Variants in EPS15L1 observed in about 807,000 individuals in gnomAD.
The protein encoded by EPS15L1 is epidermal growth factor receptor substrate 15-like 1.
A neutral mutation model predicts 117.1 loss-of-function variants in EPS15L1; 43 were observed. The ratio of observed to expected loss-of-function variants is 0.37; its 90% CI spans 0.29 to 0.47. The LOEUF (loss-of-function observed/expected upper bound fraction) is 0.47. Ranked by LOEUF, EPS15L1 falls within the 20% of genes least tolerant of loss-of-function variation. The pLI is 0.99. For synonymous variants in EPS15L1, 459 were observed against 470.5 expected, an observed-to-expected ratio of 0.98 and a Z score of 0.32; for missense variants, 981 against 1,164.0, an observed-to-expected ratio of 0.84 and a Z score of 2.29.
chr19:16,373,541 G>A (rs1351464984), intron 22 of EPS15L1, among the ~76,000 whole-genome samples: 1 of 151,238 alleles, frequency 6.6e-6, no homozygotes, highest in African/African-American at 2.4e-5. Context: ...AAGAAGCCAA[G>A]AAAACAAGAG....
chr19:16,400,743 C>G (rs1004163003), intron 16 of EPS15L1: 8 of 985,412 alleles, frequency 8.1e-6, no homozygotes, highest in Non-Finnish European at 9.6e-6. Flanking sequence ...GTAATTGTGT[C>G]TCAGGTAACC....
At chr19:16,373,978 A>G (rs1294755650) in intron 22 of EPS15L1, among the ~76,000 whole-genome samples, 2 of 152,250 alleles carry the variant, frequency 1.3e-5, no homozygotes, top group Admixed American at 1.3e-4. Context: ...TAAAAGAATC[A>G]AATGAGAAAT....
intron 1 of EPS15L1, among the ~76,000 whole-genome samples, chr19:16,448,557 A>G (rs57839742): frequency 0.25 from 31,831 of 128,438 alleles, 5,011 homozygotes; most frequent in African/African-American, 0.43. Flanking sequence ...AGGGGGGGGG[A>G]GAAAGGCCGG....
chr19:16,445,011 G>A (rs921940), intron 1 of EPS15L1, among the ~76,000 whole-genome samples: 3,672 of 152,236 alleles, frequency 0.024, 124 homozygotes, highest in Admixed American at 0.087. Flanking sequence ...GAGCCACCAC[G>A]CCCAGCCCCA....
chr19:16,458,578 T>TTCA (rs1397464613), intron 1 of EPS15L1, among the ~76,000 whole-genome samples: 1 of 151,994 alleles, frequency 6.6e-6, no homozygotes, highest in Non-Finnish European at 1.5e-5. Flanking sequence ...AGAAAGGCTC[T>TTCA]TCAGGGTGTG....
intron 8 of EPS15L1, 41 bp downstream of exon 8, chr19:16,428,661 T>C (rs761176123): frequency 3.8e-6 from 6 of 1,565,146 alleles, no homozygotes; most frequent in South Asian, 2.3e-5. Flanking sequence ...CACTGCACAT[T>C]TCCTTCCTGG....
At position 16,403,870 on chromosome 19, in the gene EPS15L1, C is replaced by G. The variant is rs766509172; in HGVS notation, c.1489G>C (p.Asp497His). ...QESDLKSQED[D>H]LNRAKSELNR... is the part of the protein sequence containing the mutation. ...AGCTCCGACTTGGCTCGGTTCAGAT[C>G]GTCTTCCTGGGACTTTAAGTCAGAT... is the stretch of plus-strand genomic sequence containing the variant. Residue 497 changes from aspartate to histidine, a missense_variant, in exon 15 of 24, where the codon GAT (aspartate) becomes CAT (histidine). Asp to His is a moderately conservative substitution (Grantham distance 81, BLOSUM62 -1). Coordinates refer to ENST00000455140, the MANE Select transcript of EPS15L1 (RefSeq NM_001258374.3). 2.5e-6 allele frequency: 4 copies of G among 1,614,168 alleles called. No individual in the cohort carries two copies. The highest frequency in any genetic ancestry group is 3.4e-6 in the Non-Finnish European group (4 of 1,180,030).
At chr19:16,403,467 G>T (rs2092622755) in intron 15 of EPS15L1, among the ~76,000 whole-genome samples, 1 of 152,196 alleles carries the variant, frequency 6.6e-6, no homozygotes, top group African/African-American at 2.4e-5. Flanking sequence ...CATTAATTAA[G>T]TGTTCCCACC....
At chr19:16,362,131 TG>T in intron 22 of EPS15L1, 147 bp from the exon 23 acceptor site, 1 of 774,182 alleles carries the variant, frequency 1.3e-6, no homozygotes, top group Non-Finnish European at 2.0e-6. Flanking sequence ...GGGGGTACCC[TG>T]GGGAATCCCA....
intron 22 of EPS15L1, among the ~76,000 whole-genome samples, chr19:16,368,322 A>G (rs1230761634): frequency 1.3e-5 from 2 of 152,160 alleles, no homozygotes; most frequent in Non-Finnish European, 2.9e-5. Context: ...CATTGATCCT[A>G]CACAACAGGG....
In EPS15L1 at chr19:16,370,873, C is replaced by A. The variant is rs958403442; in HGVS notation, c.2380+6249G>T. ...AGTGCTGGGGGATGGGGGGCGTGGG[C>A]AGGAAAGAGGGACTCCACCTGGTTG... On this transcript the variant is annotated intron_variant, in intron 22 of 23. Transcript: ENST00000455140. This position sits in a 1 kb window ranked among gnomAD's most constrained non-coding sequence, Gnocchi z 5.2. 1.3e-5 allele frequency among the ~76,000 whole-genome samples: 2 copies of A among 152,106 alleles called. No homozygotes were observed. The highest frequency in any genetic ancestry group is 1.3e-4 in the Admixed American group (2 of 15,284).
chr19:16,422,952 C>T (rs1203530946), intron 9 of EPS15L1, among the ~76,000 whole-genome samples: 4 of 135,950 alleles, frequency 2.9e-5, no homozygotes, highest in Non-Finnish European at 6.3e-5. Context: ...AGCAAGACTC[C>T]GTCTCGGGGA....
rs182100062 is a variant in EPS15L1, at chr19:16,372,837, C to G, written c.2380+4285G>C. On this transcript the variant is annotated intron_variant, in intron 22 of 23. Transcript: ENST00000455140. ...GGTTAAGTGACCCACCCGGGGCCTCCCTTTCCTCCAATGTCCAGAAACCAG... is the reference window on the plus strand; with the variant it reads ...GGTTAAGTGACCCACCCGGGGCCTCGCTTTCCTCCAATGTCCAGAAACCAG... Among the ~76,000 whole-genome samples, 922 of 152,316 alleles carry G rather than the reference C, an allele frequency of 6.1e-3. 32 individuals are homozygous for G. Among genetic ancestry groups the G allele is most frequent in the Admixed American group, 0.038 (577 of 15,298 alleles).
At chr19:16,362,511 C>G (rs968419995) in intron 22 of EPS15L1, among the ~76,000 whole-genome samples, 1 of 56,036 alleles carries the variant, frequency 1.8e-5, no homozygotes, top group Admixed American at 1.9e-4. Context: ...GGTTTAAGTT[C>G]TTTTTTTTTT....
At chr19:16,412,149 G>A (rs546273596) in intron 13 of EPS15L1, among the ~76,000 whole-genome samples, 1 of 152,070 alleles carries the variant, frequency 6.6e-6, no homozygotes, top group African/African-American at 2.4e-5. Context: ...ATCCAAAGAT[G>A]CAGAACCCTT....
At chr19:16,430,684 C>G (rs762034901) in intron 7 of EPS15L1, among the ~76,000 whole-genome samples, 2 of 152,204 alleles carry the variant, frequency 1.3e-5, no homozygotes, top group Non-Finnish European at 2.9e-5. Context: ...ACTGCAGGCT[C>G]TGAAAAATGC....
At chr19:16,462,724 A>AG (rs1180522563) in intron 1 of EPS15L1, among the ~76,000 whole-genome samples, 1 of 152,102 alleles carries the variant, frequency 6.6e-6, no homozygotes, top group Non-Finnish European at 1.5e-5. Context: ...GAAGGCAGAG[A>AG]GGGGGCCAGG....
At chr19:16,427,474 T>C (rs975247816) in intron 8 of EPS15L1, among the ~76,000 whole-genome samples, 1 of 152,224 alleles carries the variant, frequency 6.6e-6, no homozygotes, top group Admixed American at 6.5e-5. Context: ...GAGTGTCATG[T>C]TGATGCTCAA....
At chr19:16,464,510 C>T (rs1205733338) in intron 1 of EPS15L1, among the ~76,000 whole-genome samples, 1 of 152,192 alleles carries the variant, frequency 6.6e-6, no homozygotes, top group Non-Finnish European at 1.5e-5. Context: ...AAAGACCTTC[C>T]TCCTCTCATC....
Sources: gnomAD v4.1 joint callset for allele counts (sites outside exome capture counted in the v4.1 genomes callset) on GRCh38, gnomAD v4.1.1 for gene constraint, Gnocchi (gnomAD v3.1) non-coding constraint, MANE v1.5 for transcripts, NCBI Gene and HGNC (gene_info 2026-07-23, HGNC 2026-07-21) for gene names.